The following HDAC9 variants were observed in gnomAD, a reference collection of about 807,000 sequenced individuals.
HDAC9 encodes the protein MEF-2 interacting transcription repressor (MITR) protein.
In HDAC9, 41 loss-of-function variants were observed where a neutral mutation model predicts 139.4. That is an observed-to-expected ratio of 0.29 (90% confidence interval 0.23 to 0.38). The LOEUF is 0.38. Among genes scored for constraint, HDAC9 ranks in the 10% least tolerant of loss-of-function variants. HDAC9 has a pLI of 1.00. For synonymous variants in HDAC9, 517 were observed against 476.2 expected, an observed-to-expected ratio of 1.09 and a Z score of -1.12; for missense variants, 1,147 against 1,297.0, an observed-to-expected ratio of 0.88 and a Z score of 1.78.
At chr7:18,269,367 C>G (rs951046569) in intron 2 of HDAC9, among the ~76,000 whole-genome samples, 7 of 152,050 alleles carry the variant, frequency 4.6e-5, no homozygotes, top group Non-Finnish European at 7.4e-5. Context: ...ATTTTCCAAG[C>G]AATTGAGCAG....
At chr7:18,438,979 C>T (rs998340011) in intron 1 of HDAC9, among the ~76,000 whole-genome samples, 5 of 152,154 alleles carry the variant, frequency 3.3e-5, no homozygotes, top group African/African-American at 1.2e-4. Context: ...TAGTACAAAA[C>T]AATGTGTGTG....
chr7:18,933,728 G>A (rs1342097191), intron 22 of HDAC9, among the ~76,000 whole-genome samples: 2 of 152,070 alleles, frequency 1.3e-5, no homozygotes, highest in Admixed American at 1.3e-4. Flanking sequence ...GATTTCAAAT[G>A]TCAGTTACAG....
chr7:18,676,700 G>A (rs1008781365), intron 12 of HDAC9, among the ~76,000 whole-genome samples: 8 of 151,376 alleles, frequency 5.3e-5, no homozygotes, highest in African/African-American at 1.9e-4. Context: ...ATCCAACTTG[G>A]TTCCTTTATT....
At chr7:18,994,081 G>C (rs1336013186) in intron 25 of HDAC9, among the ~76,000 whole-genome samples, 3 of 152,102 alleles carry the variant, frequency 2.0e-5, no homozygotes, top group South Asian at 4.1e-4. Context: ...GCCTAGGTTG[G>C]ACATGTGGAG....
intron 1 of HDAC9, among the ~76,000 whole-genome samples, chr7:18,398,599 T>A (rs184178712): frequency 6.6e-6 from 1 of 152,170 alleles, no homozygotes; most frequent in East Asian, 1.9e-4. Flanking sequence ...ATTGTGCGTA[T>A]GAGCCTTTGC....
chr7:18,814,730 A>G (rs1201637933), intron 17 of HDAC9, among the ~76,000 whole-genome samples: 1 of 152,190 alleles, frequency 6.6e-6, no homozygotes, highest in Admixed American at 6.5e-5. Context: ...AGTTTTTACT[A>G]AATTGATCAC....
chr7:18,909,822 T>G (rs1802588002), intron 22 of HDAC9, among the ~76,000 whole-genome samples: 1 of 152,012 alleles, frequency 6.6e-6, no homozygotes, highest in African/African-American at 2.4e-5. Flanking sequence ...TATGTGTCTG[T>G]TTTTATGCCA....
At chr7:18,139,011 T>A (rs1785678733) in intron 1 of HDAC9, among the ~76,000 whole-genome samples, 1 of 152,140 alleles carries the variant, frequency 6.6e-6, no homozygotes, top group Non-Finnish European at 1.5e-5. Context: ...GGTAATCAGA[T>A]GTGTTAAAAT....
intron 1 of HDAC9, among the ~76,000 whole-genome samples, chr7:18,341,241 T>C (rs549748824): frequency 2.0e-5 from 3 of 151,326 alleles, no homozygotes; most frequent in Admixed American, 6.6e-5. Flanking sequence ...TGTTTGTGTG[T>C]GCACACACAC....
At chr7:18,535,269 T>C (rs1352288779) in intron 2 of HDAC9, among the ~76,000 whole-genome samples, 1 of 152,146 alleles carries the variant, frequency 6.6e-6, no homozygotes, top group Non-Finnish European at 1.5e-5. Context: ...ATTTGGTCAA[T>C]CCATCATTTT....
rs530896052 is a variant in HDAC9, at chr7:18,648,432, G to A, written c.1250-34G>A. The A allele has an allele frequency of 4.3e-5, 59 of 1,380,680 alleles. 1 individual carries two copies. Among genetic ancestry groups the A allele is most frequent in the South Asian group, 1.9e-4 (16 of 86,474 alleles). The allele number at this position is 1,380,680 out of a possible 1,614,324, so 85.5% of individuals were successfully genotyped here. On this transcript the variant is annotated intron_variant, in intron 10 of 25. Coordinates refer to ENST00000686413, the MANE Select transcript of HDAC9 (RefSeq NM_178425.4). Reference sequence around the variant, plus strand: ...TGTATGTGTGTGTGTGTGTGTGTGTGTATACACACATATACATGTATTTTT... The same window carrying A: ...TGTATGTGTGTGTGTGTGTGTGTGTATATACACACATATACATGTATTTTT...
intron 11 of HDAC9, among the ~76,000 whole-genome samples, chr7:18,660,663 A>G (rs191846943): frequency 3.4e-3 from 517 of 152,270 alleles, no homozygotes; most frequent in Non-Finnish European, 6.3e-3. Flanking sequence ...AAATATATTA[A>G]TGAGATAATA....
intron 2 of HDAC9, among the ~76,000 whole-genome samples, chr7:18,526,988 A>C (rs182370331): frequency 3.9e-5 from 6 of 152,296 alleles, no homozygotes; most frequent in African/African-American, 1.2e-4. Flanking sequence ...TAACAATAAA[A>C]GTCAGCAATA....
chr7:18,667,774 A>G, intron 12 of HDAC9: 1 of 984,968 alleles, frequency 1.0e-6, no homozygotes, highest in Non-Finnish European at 1.2e-6. Context: ...ATTGTCTAAG[A>G]AAATAACACC....
At chr7:18,636,246 A>G (rs1584425491) in intron 8 of HDAC9, among the ~76,000 whole-genome samples, 2 of 152,070 alleles carry the variant, frequency 1.3e-5, no homozygotes, top group Non-Finnish European at 2.9e-5. Context: ...TATCTATGTT[A>G]CATTGATTAG....
At chr7:18,160,925 A>G (rs1245981192) in intron 1 of HDAC9, among the ~76,000 whole-genome samples, 1 of 152,180 alleles carries the variant, frequency 6.6e-6, no homozygotes, top group African/African-American at 2.4e-5. Context: ...AACAATTTTT[A>G]TCTAAAACTA....
chr7:18,563,235 A>G (rs1365100636), intron 2 of HDAC9, among the ~76,000 whole-genome samples: 1 of 152,286 alleles, frequency 6.6e-6, no homozygotes. Flanking sequence ...TAATCTCAGT[A>G]TATCAGTGAT....
chr7:18,190,779 T>G (rs1375303436), intron 2 of HDAC9, among the ~76,000 whole-genome samples: 1 of 152,232 alleles, frequency 6.6e-6, no homozygotes, highest in African/African-American at 2.4e-5. Context: ...TTGTATCATC[T>G]CACTGTGTAT....
chr7:18,798,587 A>C (rs1196253870), intron 17 of HDAC9, among the ~76,000 whole-genome samples: 2 of 152,160 alleles, frequency 1.3e-5, no homozygotes, highest in South Asian at 4.1e-4. Flanking sequence ...CAAAGCCTCA[A>C]TCCTAGAGAA....
Sources: gnomAD v4.1 joint callset for allele counts (sites outside exome capture counted in the v4.1 genomes callset) on GRCh38, gnomAD v4.1.1 for gene constraint, MANE v1.5 for transcripts, NCBI Gene and HGNC (gene_info 2026-07-23, HGNC 2026-07-21) for gene names.